Variants in FAT2 observed in about 807,000 individuals in gnomAD.
The protein encoded by FAT2 is FAT atypical cadherin 2, also known as protocadherin Fat 2.
FAT2 carries 150 observed loss-of-function variants against 295.3 expected under a neutral mutation model. That is an observed-to-expected ratio of 0.51 (90% CI 0.44 to 0.58). The LOEUF (loss-of-function observed/expected upper bound fraction) is 0.58, where lower values mean the gene tolerates loss of function less well. Among genes scored for constraint, FAT2 ranks in the 20% least tolerant of loss-of-function variants. FAT2 has a pLI of 0.00. For synonymous variants in FAT2, 2,026 were observed against 2,150.3 expected (o/e 0.94, Z 1.60); for missense variants, 4,868 against 5,442.7 (o/e 0.89, Z 3.32).
chr5:151,546,171 G>A lies in FAT2; in HGVS notation c.4956C>T (p.Pro1652=), dbSNP rs1238849018. The A allele has an allele frequency of 2.5e-6, 4 of 1,614,170 alleles. No individual in the cohort carries two copies. In the Admixed American group the frequency reaches 5.0e-5, roughly 20 times the overall value. ...DLATVIIHVY[P]SDRSAPIFSK... is the part of the protein sequence containing the mutation. ...AAAAGATGGGGGCACTCCTATCTGA[G>A]GGATAGACATGAATGATCACTGTAG... Residue 1652 remains proline (P), a synonymous_variant, in exon 10 of 24, where the codon CCC becomes CCT. Coordinates refer to ENST00000261800, the MANE Select transcript of FAT2 (RefSeq NM_001447.3).
At chr5:151,559,499 T>C (rs1037946301) in intron 3 of FAT2, among the ~76,000 whole-genome samples, 7 of 152,012 alleles carry the variant, frequency 4.6e-5, no homozygotes, top group African/African-American at 1.4e-4. Flanking sequence ...AAGCCTTCTA[T>C]CTGGCTCCAT....
chr5:151,529,026 A>G, intron 15 of FAT2, 152 bp downstream of exon 15: 1 of 655,118 alleles, frequency 1.5e-6, no homozygotes, highest in South Asian at 1.9e-5. Flanking sequence ...CCATACTCAA[A>G]TCTCACATAA....
chr5:151,580,982 C>T (rs901595893), intron 1 of FAT2, among the ~76,000 whole-genome samples: 1 of 152,078 alleles, frequency 6.6e-6, no homozygotes, highest in African/African-American at 2.4e-5. Flanking sequence ...AGAAGCTTCT[C>T]CTTGTTCCCT....
chr5:151,589,812 G>C (rs1759328075), intron 1 of FAT2, among the ~76,000 whole-genome samples: 2 of 152,136 alleles, frequency 1.3e-5, no homozygotes, highest in African/African-American at 4.8e-5. Flanking sequence ...GATGTGGGAG[G>C]ATTGCTTGGG....
At chr5:151,551,393 T>C in intron 7 of FAT2, 74 bp downstream of exon 7, 1 of 1,530,756 alleles carries the variant, frequency 6.5e-7, no homozygotes, top group Non-Finnish European at 8.9e-7. Flanking sequence ...ACAGAAAACC[T>C]CTGTAGCCTC....
chr5:151,555,618 C>T (rs1757627849), intron 4 of FAT2, among the ~76,000 whole-genome samples: 1 of 152,160 alleles, frequency 6.6e-6, no homozygotes, highest in Admixed American at 6.5e-5. Context: ...GATCTGCCCG[C>T]CTCAGCCTCC....
Position 151,512,133 on chromosome 5 carries a change from C to G in FAT2, c.11905+32G>C, listed in dbSNP as rs982606496. The G allele has an allele frequency of 6.3e-7, 1 of 1,593,934 alleles. No homozygotes were observed. On this transcript the variant is annotated intron_variant, in intron 21 of 23. Coordinates refer to ENST00000261800, the MANE Select transcript of FAT2 (RefSeq NM_001447.3). The surrounding 1 kb of genome is among the most constrained non-coding windows in gnomAD (Gnocchi z 4.1). The stretch of plus-strand genomic sequence containing the variant: ...CACCTGAAGAGCCTTCTGGGATAAA[C>G]CCTGGGTTCAGCCTGGCACCCCAGC...
rs1182956082 is a variant in FAT2 at position 151,540,842 on chromosome 5, G to A, written c.8843-79C>T. On this transcript the variant is annotated intron_variant, in intron 10 of 23. Transcript: ENST00000261800. Reference sequence around the variant, plus strand: ...TTTGTGTCACAGGTGGCTGCCCATTGGATGCATTTTTTAGAATTGTTGGGA... The same window carrying A: ...TTTGTGTCACAGGTGGCTGCCCATTAGATGCATTTTTTAGAATTGTTGGGA... 5 of 1,310,946 alleles carry A rather than the reference G, an allele frequency of 3.8e-6. No homozygotes were observed. The African/African-American group carries it at 7.4e-5, about 19-fold the overall frequency. 81.2% of individuals were successfully genotyped at this position (1,310,946 alleles called of 1,614,324 possible).
Position 151,567,042 on chromosome 5 carries a change from A to G in FAT2, c.1890T>C (p.Ala630=). 1 of 1,614,174 alleles carries G rather than the reference A, an allele frequency of 6.2e-7. No homozygotes were observed. The highest frequency in any genetic ancestry group is 8.5e-7 in the Non-Finnish European group (1 of 1,180,016). ...SLKRPFINLT[A]GQPTSYSLKI... ...TCAGGGAATAACTGGTGGGTTGACCAGCAGTAAGATTGATAAAAGGGCGTT... is the reference window on the plus strand; with the variant it reads ...TCAGGGAATAACTGGTGGGTTGACCGGCAGTAAGATTGATAAAAGGGCGTT... Residue 630 remains alanine (A), a synonymous_variant, in exon 2 of 24, where the codon GCT becomes GCC. Transcript: ENST00000261800.
chr5:151,544,075 G>A lies in FAT2; in HGVS notation c.7052C>T (p.Ala2351Val), dbSNP rs755975388. 3.7e-6 allele frequency: 6 copies of A among 1,614,160 alleles called. No individual in the cohort carries two copies. Among genetic ancestry groups the A allele is most frequent in the Non-Finnish European group, 5.1e-6 (6 of 1,180,024 alleles). The change falls in exon 10 of 24, where the codon GCC becomes GTC. Residue 2351 changes from alanine (A) to valine (V), a missense_variant. By Grantham distance (64) the Ala-to-Val change is moderately conservative (BLOSUM62 0). This residue lies in a region of FAT2 where 3,297 missense variants were observed against 3,669.4 expected (regional missense o/e 0.90). Coordinates refer to ENST00000261800, the MANE Select transcript of FAT2 (RefSeq NM_001447.3). ...AQQHFHVKVRAMDKGDPPLTG... is the reference protein window; with the variant it reads ...AQQHFHVKVRVMDKGDPPLTG... ...GAGTGGGGGATCTCCTTTATCCATGGCCCTGACTTTCACATGAAAGTGTTG... is the reference window on the plus strand; with the variant it reads ...GAGTGGGGGATCTCCTTTATCCATGACCCTGACTTTCACATGAAAGTGTTG...
intron 22 of FAT2, 111 bp from the exon 23 acceptor site, chr5:151,507,722 C>G (rs1421835256): frequency 1.0e-6 from 1 of 962,800 alleles, no homozygotes; most frequent in African/African-American, 1.7e-5. Flanking sequence ...TACCATCTCC[C>G]GTTTTTCACC....
chr5:151,551,453 C>G lies in FAT2; in HGVS notation c.4296+14G>C, dbSNP rs755586216. On this transcript the variant is annotated intron_variant, in intron 7 of 23. Transcript: ENST00000261800. ...CTCCTCTCAATACAGGGGTCCCCAG[C>G]CGAGGCCTCTAACCTGTGTGGCAAT... 2.5e-6 allele frequency: 4 copies of G among 1,613,230 alleles called. No individual in the cohort carries two copies. The highest frequency in any genetic ancestry group is 1.8e-4 in the Middle Eastern group (1 of 5,702).
In FAT2 at chr5:151,544,562, G is replaced by C. The variant is rs1428389872; in HGVS notation, c.6565C>G (p.Pro2189Ala). ...RVPENITLYTPILHTQARSPE... is the reference protein window; with the variant it reads ...RVPENITLYTAILHTQARSPE... ...CTCCGGGCCTGGGTGTGGAGAATTG[G>C]GGTATAGAGGGTGATATTTTCAGGT... Residue 2189 changes from proline (P) to alanine (A), a missense_variant, in exon 10 of 24, where the codon CCA becomes GCA. By Grantham distance (27) the Pro-to-Ala change is conservative (BLOSUM62 -1). Coordinates refer to ENST00000261800, the MANE Select transcript of FAT2 (RefSeq NM_001447.3). The C allele has an allele frequency of 6.2e-7, 1 of 1,614,060 alleles. No individual in the cohort carries two copies. The highest frequency in any genetic ancestry group is 1.1e-5 in the South Asian group (1 of 91,068).
In FAT2 at chr5:151,567,740, T is replaced by G; in HGVS notation, c.1192A>C (p.Lys398Gln). The G allele has an allele frequency of 6.2e-7, 1 of 1,614,156 alleles. No individual in the cohort carries two copies. The highest frequency in any genetic ancestry group is 8.5e-7 in the Non-Finnish European group (1 of 1,180,040). Residue 398 changes from lysine to glutamine, a missense_variant, in exon 2 of 24, where the codon AAG becomes CAG. Coordinates refer to ENST00000261800, the MANE Select transcript of FAT2 (RefSeq NM_001447.3). ...AATCCTACATTCTCTGAAGATGGCT[T>G]TAGAACATACTGCAGGTTGGGGAAG... The part of the protein sequence containing the change: ...PAFPNLQYVL[K>Q]PSSENVGFKL...
Position 151,579,163 on chromosome 5 carries a change from A to G in FAT2, c.-20-10212T>C, listed in dbSNP as rs900975756. Reference sequence around the variant, plus strand: ...TCTGGGGCTCTCTGGTTGGAAGGCAAGTAAGTTCAAGAGATCTATTGTACA... The same window carrying G: ...TCTGGGGCTCTCTGGTTGGAAGGCAGGTAAGTTCAAGAGATCTATTGTACA... On this transcript the variant is annotated intron_variant, in intron 1 of 23. Coordinates refer to ENST00000261800, the MANE Select transcript of FAT2 (RefSeq NM_001447.3). Among the ~76,000 whole-genome samples, 7 of 152,238 alleles carry G rather than the reference A, an allele frequency of 4.6e-5. No homozygotes were observed. The South Asian group carries it at 6.2e-4, about 14-fold the overall frequency.
Position 151,543,293 on chromosome 5 carries a change from C to A in FAT2, c.7834G>T (p.Ala2612Ser). 1 of 1,614,194 alleles carries A rather than the reference C, an allele frequency of 6.2e-7. No homozygotes were observed. The highest frequency in any genetic ancestry group is 2.2e-5 in the East Asian group (1 of 44,888). Reference sequence around the variant, plus strand: ...ACATCTGCGTTCTGACCTTCATCTGCATCATAGGCCAACACCTGGATAACC... The same window carrying A: ...ACATCTGCGTTCTGACCTTCATCTGAATCATAGGCCAACACCTGGATAACC... ...SPVIQVLAYD[A>S]DEGQNADVTY... The change falls in exon 10 of 24, where the codon GCA becomes TCA. Residue 2612 changes from alanine to serine, a missense_variant. By Grantham distance (99) the Ala-to-Ser change is moderately conservative (BLOSUM62 1). This residue lies in a region of FAT2 where 3,297 missense variants were observed against 3,669.4 expected (regional missense o/e 0.90). Coordinates refer to ENST00000261800, the MANE Select transcript of FAT2 (RefSeq NM_001447.3).
At chr5:151,564,646 G>T (rs141227159) in intron 2 of FAT2, among the ~76,000 whole-genome samples, 2 of 152,330 alleles carry the variant, frequency 1.3e-5, no homozygotes, top group East Asian at 3.9e-4. Flanking sequence ...CACTCGAACA[G>T]TGCTGACTTA....
chr5:151,565,646 C>CTG, intron 2 of FAT2, 27 bp downstream of exon 2: 1 of 1,513,840 alleles, frequency 6.6e-7, no homozygotes, highest in Non-Finnish European at 8.9e-7. Context: ...CTGGCCCTGG[C>CTG]ACCCCACCCT....
intron 2 of FAT2, 22 bp downstream of exon 2, chr5:151,565,651 C>CCCCCA: frequency 9.0e-6 from 13 of 1,440,656 alleles, no homozygotes; most frequent in East Asian, 2.5e-5. Flanking sequence ...CCTGGCACCC[C>CCCCCA]ACCCTACCCC....
Sources: gnomAD v4.1 joint callset for allele counts (sites outside exome capture counted in the v4.1 genomes callset) on GRCh38, gnomAD v4.1.1 for gene constraint, gnomAD v4.1.1 regional missense constraint, Gnocchi (gnomAD v3.1) non-coding constraint, MANE v1.5 for transcripts, NCBI Gene and HGNC (gene_info 2026-07-23, HGNC 2026-07-21) for gene names.